Variants in PRKACB observed in about 807,000 individuals in gnomAD.
The protein encoded by PRKACB is cAMP-dependent protein kinase catalytic subunit beta.
Under a neutral mutation model 51.4 loss-of-function variants are expected in PRKACB, and 16 were observed. The ratio of observed to expected loss-of-function variants is 0.31; its 90% CI spans 0.21 to 0.47. The LOEUF is 0.47. PRKACB is among the 20% of genes least tolerant of loss of function. The pLI is 1.00. For synonymous variants in PRKACB, 147 were observed against 154.4 expected (o/e 0.95, Z 0.35); for missense variants, 309 against 464.5 (o/e 0.67, Z 3.08).
intron 9 of PRKACB, among the ~76,000 whole-genome samples, chr1:84,229,567 A>G (rs1453735528): frequency 6.7e-6 from 1 of 149,684 alleles, no homozygotes; most frequent in African/African-American, 2.5e-5. Context: ...AAGTGTTCCT[A>G]TTTCTCCACA....
chr1:84,080,382 T>C (rs1279336818), intron 1 of PRKACB, among the ~76,000 whole-genome samples: 1 of 152,228 alleles, frequency 6.6e-6, no homozygotes, highest in African/African-American at 2.4e-5. Context: ...TAAATTCTTT[T>C]CTATGTTTTA....
chr1:84,161,115 G>T (rs951720068), intron 1 of PRKACB, among the ~76,000 whole-genome samples: 1 of 151,778 alleles, frequency 6.6e-6, no homozygotes, highest in Admixed American at 6.6e-5. Context: ...TTTCAATTCT[G>T]TCCGTTTTTA....
rs758593009 is a variant in PRKACB at position 84,202,808 on chromosome 1, A to C, written c.906+3A>C. ...ATGAAAAGATTGTTTCTGGAAAGGT[A>C]AGTAAAACATTTTATTATTCCTCTC... On this transcript the variant is annotated splice_donor_region_variant and intron_variant, in intron 8 of 9. Coordinates refer to ENST00000370685, the MANE Select transcript of PRKACB (RefSeq NM_182948.4). 3.1e-6 allele frequency: 5 copies of C among 1,597,938 alleles called. No individual in the cohort carries two copies. The highest frequency in any genetic ancestry group is 4.3e-6 in the Non-Finnish European group (5 of 1,167,548).
At chr1:84,156,427 T>G (rs1655512214) in intron 1 of PRKACB, among the ~76,000 whole-genome samples, 1 of 152,194 alleles carries the variant, frequency 6.6e-6, no homozygotes, top group African/African-American at 2.4e-5. Context: ...CAGTGGTTCT[T>G]AATGACAGGA....
chr1:84,207,347 T>C (rs890929436), intron 8 of PRKACB, among the ~76,000 whole-genome samples: 4 of 152,176 alleles, frequency 2.6e-5, no homozygotes, highest in Non-Finnish European at 5.9e-5. Flanking sequence ...TACCAATATT[T>C]ATAAATATTT....
In PRKACB at chr1:84,080,419, G is replaced by A. The variant is rs561650307; in HGVS notation, c.46+2048G>A. Among the ~76,000 whole-genome samples the A allele has an allele frequency of 1.4e-3, 219 of 152,272 alleles. 3 individuals carry two copies. Among genetic ancestry groups the A allele is most frequent in the Non-Finnish European group, 1.6e-3 (110 of 68,006 alleles). On this transcript the variant is annotated intron_variant, in intron 1 of 8. Coordinates refer to the PRKACB transcript ENST00000370688. ...GTGTTAATGACAATCTAGTTCTTAA[G>A]TATGTTAGTCAGCTTTTTGTGTAAC...
intron 1 of PRKACB, among the ~76,000 whole-genome samples, chr1:84,101,647 CA>C (rs1321779557): frequency 2.0e-5 from 3 of 152,022 alleles, no homozygotes; most frequent in Non-Finnish European, 4.4e-5. Context: ...ACCTTTAAAG[CA>C]AAATTATAAA....
chr1:84,093,416 T>A (rs759186394), intron 1 of PRKACB, among the ~76,000 whole-genome samples: 12 of 152,216 alleles, frequency 7.9e-5, no homozygotes, highest in African/African-American at 2.6e-4. Flanking sequence ...TGTAATGACA[T>A]CTTTGTTATC....
At chr1:84,231,476 G>T (rs541419337) in intron 9 of PRKACB, among the ~76,000 whole-genome samples, 4 of 152,160 alleles carry the variant, frequency 2.6e-5, no homozygotes, top group South Asian at 2.1e-4. Flanking sequence ...CTATTGATTG[G>T]AATAGTTTCA....
intron 1 of PRKACB, among the ~76,000 whole-genome samples, chr1:84,125,541 G>A (rs1419618215): frequency 1.3e-5 from 2 of 152,144 alleles, no homozygotes; most frequent in East Asian, 1.9e-4. Flanking sequence ...GGAATTAATA[G>A]GGGGAGCATT....
At chr1:84,140,280 G>T (rs139659350), upstream of PRKACB, among the ~76,000 whole-genome samples, 54 of 152,266 alleles carry the variant, frequency 3.5e-4, no homozygotes, top group Admixed American at 3.3e-3. Flanking sequence ...TATATAAATT[G>T]TGGTAATTCC....
At chr1:84,208,003 G>T (rs549554832) in intron 8 of PRKACB, among the ~76,000 whole-genome samples, 1 of 152,276 alleles carries the variant, frequency 6.6e-6, no homozygotes, top group South Asian at 2.1e-4. Context: ...GAGTAGCTGG[G>T]ACTACAGGCA....
chr1:84,079,717 G>A (rs1159413129), intron 1 of PRKACB, among the ~76,000 whole-genome samples: 1 of 152,168 alleles, frequency 6.6e-6, no homozygotes, highest in African/African-American at 2.4e-5. Context: ...CCAGGCTGGA[G>A]TGCAATGGTG....
At chr1:84,127,245 C>T (rs1011220338) in intron 1 of PRKACB, among the ~76,000 whole-genome samples, 6 of 152,122 alleles carry the variant, frequency 3.9e-5, no homozygotes, top group Non-Finnish European at 5.9e-5. Context: ...CTAAGTTGAA[C>T]AATTACAAAA....
At chr1:84,164,962 G>T in intron 1 of PRKACB, 1 of 1,541,510 alleles carries the variant, frequency 6.5e-7, no homozygotes, top group Non-Finnish European at 8.8e-7. Context: ...TTTGCTGTTG[G>T]ATTGTTATTT....
chr1:84,184,091 G>A lies in PRKACB; in HGVS notation c.433G>A (p.Ala145Thr). The change falls in exon 4 of 10, where the codon GCA (alanine) becomes ACA (threonine). Residue 145 changes from alanine to threonine, a missense_variant. Ala to Thr is a moderately conservative substitution (Grantham distance 58). This residue lies in a region of PRKACB where 153 missense variants were observed against 190.2 expected (regional missense o/e 0.80). Coordinates refer to ENST00000370685, the MANE Select transcript of PRKACB (RefSeq NM_182948.4). ...TTTGAATGAGAAAAGAATATTACAGGCAGTGAATTTTCCTTTCCTTGTTCG... is the reference window on the plus strand; with the variant it reads ...TTTGAATGAGAAAAGAATATTACAGACAGTGAATTTTCCTTTCCTTGTTCG... Reference protein sequence around the residue: ...HTLNEKRILQAVNFPFLVRLE... With the variant: ...HTLNEKRILQTVNFPFLVRLE... 1 of 1,604,576 alleles carries A rather than the reference G, an allele frequency of 6.2e-7. No individual in the cohort carries two copies. Among genetic ancestry groups the A allele is most frequent in the Non-Finnish European group, 8.5e-7 (1 of 1,175,112 alleles).
At chr1:84,162,982 G>A (rs779696679) in intron 1 of PRKACB, among the ~76,000 whole-genome samples, 5 of 151,934 alleles carry the variant, frequency 3.3e-5, no homozygotes, top group Non-Finnish European at 7.4e-5. Context: ...TATGGAATCT[G>A]TATCCCTCAT....
intron 1 of PRKACB, among the ~76,000 whole-genome samples, chr1:84,153,115 G>A (rs1655037686): frequency 1.3e-5 from 2 of 151,916 alleles, no homozygotes; most frequent in South Asian, 2.1e-4. Flanking sequence ...GAGAAATGGG[G>A]GACTAGCTGG....
At chr1:84,094,115 T>A (rs1229742203) in intron 1 of PRKACB, among the ~76,000 whole-genome samples, 4 of 152,038 alleles carry the variant, frequency 2.6e-5, no homozygotes, top group African/African-American at 9.7e-5. Context: ...TGATTAGGAC[T>A]TGCAATACAG....
Sources: allele counts gnomAD v4.1 joint callset (sites outside exome capture counted in the v4.1 genomes callset), GRCh38; gene constraint gnomAD v4.1.1; regional missense constraint gnomAD v4.1.1; transcripts MANE v1.5; gene names NCBI Gene and HGNC (gene_info 2026-07-23, HGNC 2026-07-21).